Variants in ABHD3 observed in about 807,000 individuals in gnomAD.
ABHD3 encodes the protein abhydrolase domain containing 3, phospholipase, also known as phospholipase ABHD3.
In ABHD3, 46 loss-of-function variants were observed where a neutral mutation model predicts 48.8. The observed-to-expected ratio is 0.94, with a 90% confidence interval of 0.74 to 1.20. ABHD3 has a LOEUF of 1.20. Among genes scored for constraint, ABHD3 ranks in the 50% most tolerant of loss-of-function variants. ABHD3 has a pLI of 0.00. For synonymous variants in ABHD3, 192 were observed against 183.7 expected, an observed-to-expected ratio of 1.04 and a Z score of -0.36; for missense variants, 490 against 497.8, an observed-to-expected ratio of 0.98 and a Z score of 0.15.
At position 21,651,780 on chromosome 18, in the gene ABHD3, A is replaced by G. The variant is rs759870209; in HGVS notation, c.1058-17T>C. On this transcript the variant is annotated splice_polypyrimidine_tract_variant and intron_variant, in intron 8 of 8. Coordinates refer to ENST00000289119, the MANE Select transcript of ABHD3 (RefSeq NM_138340.5). ...TTGGAATAGCTTCAGACCAAAAAAAACATGGCAATAAGAGAGAAGAAGGAG... is the reference window on the plus strand; with the variant it reads ...TTGGAATAGCTTCAGACCAAAAAAAGCATGGCAATAAGAGAGAAGAAGGAG... 2 of 1,506,864 alleles carry G rather than the reference A, an allele frequency of 1.3e-6. No individual in the cohort carries two copies. Among genetic ancestry groups the G allele is most frequent in the Non-Finnish European group, 1.8e-6 (2 of 1,126,500 alleles). 93.3% of individuals were successfully genotyped at this position (1,506,864 alleles called of 1,614,324 possible).
chr18:21,675,435 A>AT (rs1172342962), intron 4 of ABHD3, among the ~76,000 whole-genome samples: 1 of 151,632 alleles, frequency 6.6e-6, no homozygotes, highest in Non-Finnish European at 1.5e-5. Flanking sequence ...CGCCCAGCTA[A>AT]TTTTTGTGTT....
intron 4 of ABHD3, among the ~76,000 whole-genome samples, chr18:21,665,811 C>CAA (rs1260329047): frequency 9.4e-6 from 1 of 106,396 alleles, no homozygotes; most frequent in African/African-American, 3.5e-5. Context: ...GACTCCATCT[C>CAA]AAAAAAAAAA....
Position 21,700,534 on chromosome 18 carries a change from G to T in ABHD3, c.509+1782C>A, listed in dbSNP as rs925107117. ...CTGCCTCAGCCTCCTGAGTAGCTGG[G>T]ATTACAGGTGCCCACCATCACACCT... On this transcript the variant is annotated intron_variant, in intron 3 of 8. Coordinates refer to ENST00000289119, the MANE Select transcript of ABHD3 (RefSeq NM_138340.5). Among the ~76,000 whole-genome samples, 5 of 152,144 alleles carry T rather than the reference G, an allele frequency of 3.3e-5. No individual in the cohort carries two copies. The East Asian group carries it at 9.7e-4, about 29-fold the overall frequency.
At chr18:21,675,181 C>T (rs943995592) in intron 4 of ABHD3, among the ~76,000 whole-genome samples, 2 of 151,636 alleles carry the variant, frequency 1.3e-5, no homozygotes, top group Admixed American at 6.6e-5. Context: ...GAGTTCCTGC[C>T]GTGAGACCAC....
Position 21,656,943 on chromosome 18 carries a change from G to A in ABHD3, c.975C>T (p.Ala325=), listed in dbSNP as rs981836344. The change falls in exon 8 of 9, where the codon GCC becomes GCT. Residue 325 remains alanine (A), a synonymous_variant. Coordinates refer to ENST00000289119, the MANE Select transcript of ABHD3 (RefSeq NM_138340.5). ...CTGACTTCAGTCTAGGACTCGGACT[G>A]GCATCAGTATAATAATCATCAATTG... ...YQTIDDYYTD[A]SPSPRLKSVG... 6.2e-7 allele frequency: 1 copy of A among 1,613,942 alleles called. No homozygotes were observed. Among genetic ancestry groups the A allele is most frequent in the Non-Finnish European group, 8.5e-7 (1 of 1,179,892 alleles).
chr18:21,664,473 C>T (rs1160822360), intron 4 of ABHD3: 3 of 423,024 alleles, frequency 7.1e-6, no homozygotes, highest in African/African-American at 2.0e-5. Flanking sequence ...AGGCTTGATG[C>T]AGATGGGGCA....
At chr18:21,683,481 G>T in intron 4 of ABHD3, 1 of 489,812 alleles carries the variant, frequency 2.0e-6, no homozygotes. Flanking sequence ...AATTTGTTTT[G>T]CACTGGTTAA....
chr18:21,661,319 TTTG>T (rs1412524335), intron 5 of ABHD3, among the ~76,000 whole-genome samples: 4 of 152,124 alleles, frequency 2.6e-5, no homozygotes, highest in African/African-American at 9.7e-5. Context: ...GTAATATGGT[TTTG>T]TTTTTTTGTT....
chr18:21,703,223 C>CCCCT (rs2040554216), intron 2 of ABHD3, among the ~76,000 whole-genome samples: 1 of 127,548 alleles, frequency 7.8e-6, no homozygotes, highest in Non-Finnish European at 1.7e-5. Flanking sequence ...ACCCCACCCC[C>CCCCT]CCCCCCAGTA....
At chr18:21,652,432 A>G (rs2039245178) in intron 8 of ABHD3, among the ~76,000 whole-genome samples, 1 of 152,054 alleles carries the variant, frequency 6.6e-6, no homozygotes, top group African/African-American at 2.4e-5. Context: ...AAGAAAAAGA[A>G]AAAGAGAAAG....
chr18:21,657,062 C>T, intron 7 of ABHD3, 36 bp from the exon 8 acceptor site: 2 of 1,613,820 alleles, frequency 1.2e-6, no homozygotes, highest in Non-Finnish European at 1.7e-6. Context: ...TAGTCTTGCC[C>T]AAAAGAAGAA....
intron 4 of ABHD3, among the ~76,000 whole-genome samples, chr18:21,675,395 A>C (rs1250450491): frequency 6.7e-6 from 1 of 150,154 alleles, no homozygotes; most frequent in Admixed American, 6.7e-5. Context: ...CAGCCCCCCG[A>C]GCAGCTGGGA....
chr18:21,695,273 G>A (rs1307530498), intron 3 of ABHD3, among the ~76,000 whole-genome samples: 6 of 152,216 alleles, frequency 3.9e-5, no homozygotes, highest in South Asian at 2.1e-4. Flanking sequence ...CAAGTGATCC[G>A]CCTGCCTTAG....
intron 3 of ABHD3, among the ~76,000 whole-genome samples, chr18:21,698,008 T>C (rs929278022): frequency 6.6e-6 from 1 of 151,898 alleles, no homozygotes; most frequent in Non-Finnish European, 1.5e-5. Flanking sequence ...TTTACACAAA[T>C]AGTAACTGGG....
At chr18:21,701,242 G>A (rs1225397984) in intron 3 of ABHD3, 1 of 145,212 alleles carries the variant, frequency 6.9e-6, no homozygotes, top group Admixed American at 7.0e-5. Flanking sequence ...TGCCCAAGGT[G>A]TCACTCTGTC....
chr18:21,703,518 T>A, intron 2 of ABHD3, 66 bp downstream of exon 2: 1 of 1,556,948 alleles, frequency 6.4e-7, no homozygotes, highest in Non-Finnish European at 8.8e-7. Context: ...GAACTGGGAA[T>A]AAGCAAGCAA....
At chr18:21,696,684 A>T (rs1192869059) in intron 3 of ABHD3, among the ~76,000 whole-genome samples, 1 of 152,122 alleles carries the variant, frequency 6.6e-6, no homozygotes, top group Non-Finnish European at 1.5e-5. Flanking sequence ...GCTTCTCTCT[A>T]AACATATTTC....
intron 3 of ABHD3, among the ~76,000 whole-genome samples, chr18:21,687,798 T>C (rs534901442): frequency 6.6e-6 from 1 of 152,348 alleles, no homozygotes; most frequent in East Asian, 1.9e-4. Context: ...AGACTACCTA[T>C]AGCACAGAGT....
At chr18:21,651,839 A>T in intron 8 of ABHD3, 76 bp from the exon 9 acceptor site, 1 of 1,311,898 alleles carries the variant, frequency 7.6e-7, no homozygotes, top group Non-Finnish European at 1.0e-6. Context: ...TTTTGTCAGG[A>T]AAAGCATATA....
Sources: gnomAD v4.1 joint callset for allele counts (sites outside exome capture counted in the v4.1 genomes callset) on GRCh38, gnomAD v4.1.1 for gene constraint, MANE v1.5 for transcripts, NCBI Gene and HGNC (gene_info 2026-07-23, HGNC 2026-07-21) for gene names.